Variants in POU4F3 observed in about 807,000 individuals in gnomAD.
POU4F3 encodes the protein POU domain, class 4, transcription factor 3.
Under a neutral mutation model 22.0 loss-of-function variants are expected in POU4F3, and 7 were observed. The ratio of observed to expected loss-of-function variants is 0.32; its 90% CI spans 0.18 to 0.60. The LOEUF (loss-of-function observed/expected upper bound fraction) is 0.60. Among genes scored for constraint, POU4F3 ranks in the 20% least tolerant of loss-of-function variants. The pLI, the probability that POU4F3 is intolerant of heterozygous loss-of-function variation, is 0.85. For missense variants in POU4F3, 457 were observed against 467.4 expected (o/e 0.98, Z 0.21); for synonymous variants, 220 against 194.5 (o/e 1.13, Z -1.09).
In POU4F3 at chr5:146,339,805, G is replaced by A. The variant is rs113137300; in HGVS notation, c.378G>A (p.Thr126=). The A allele has an allele frequency of 4.6e-4, 746 of 1,610,954 alleles. 4 individuals carry two copies. In the African/African-American group the frequency reaches 7.7e-3, roughly 17 times the overall value. Residue 126 remains threonine, a synonymous_variant, in exon 2 of 2, where the codon ACG becomes ACA. Transcript: ENST00000646991. This position sits in a 1 kb window ranked among gnomAD's most constrained non-coding sequence, Gnocchi z 4.7. ...ACCTGCTGGAGCACATCTCGCCCACGCTGAGTGTGAGCGGCCTGGGCGCTC... is the reference window on the plus strand; with the variant it reads ...ACCTGCTGGAGCACATCTCGCCCACACTGAGTGTGAGCGGCCTGGGCGCTC... ...EGDLLEHISP[T]LSVSGLGAPE...
Position 146,339,022 on chromosome 5 carries a change from G to A in POU4F3, c.-91G>A, listed in dbSNP as rs1581277512. On this transcript the variant is annotated 5_prime_UTR_variant, in exon 1 of 2. Transcript: ENST00000646991. The surrounding 1 kb of genome is among the most constrained non-coding windows in gnomAD (Gnocchi z 4.7). ...CGAGCGAGAGGGCGAGGGGAGCGCG[G>A]GCGCTGAGCAGCGCTCACTTGGAGA... 1 of 1,565,950 alleles carries A rather than the reference G, an allele frequency of 6.4e-7. No homozygotes were observed. The highest frequency in any genetic ancestry group is 8.7e-7 in the Non-Finnish European group (1 of 1,151,502).
Position 146,340,868 on chromosome 5 carries a change from C to T in POU4F3, c.*424C>T, listed in dbSNP as rs891970. Reference sequence around the variant, plus strand: ...ATAAAAAGGAAGTGATCAATAATAACACAAAGTCTAGGATATCTAAGGGGG... The same window carrying T: ...ATAAAAAGGAAGTGATCAATAATAATACAAAGTCTAGGATATCTAAGGGGG... On this transcript the variant is annotated 3_prime_UTR_variant, in exon 2 of 2. Coordinates refer to ENST00000646991, the MANE Select transcript of POU4F3 (RefSeq NM_002700.3). The T allele has an allele frequency of 0.18, 53,909 of 294,586 alleles. 5,540 individuals carry two copies. The highest frequency in any genetic ancestry group is 0.21 in the East Asian group (2,430 of 11,490). The allele number at this position is 294,586 out of a possible 1,614,324, so 18.2% of individuals were successfully genotyped here.
In POU4F3 at chr5:146,340,632, CA is replaced by C; in HGVS notation, c.*189del. ...CTTCTCTCTCTTTCCTTTCTATTCCCACCAAAAAAATTTTGGCGCTGGGAAA... is the reference window on the plus strand; with the variant it reads ...CTTCTCTCTCTTTCCTTTCTATTCCCCCAAAAAAATTTTGGCGCTGGGAAA... On this transcript the variant is annotated 3_prime_UTR_variant, in exon 2 of 2. Transcript: ENST00000646991. The C allele has an allele frequency of 1.3e-6, 1 of 791,618 alleles. No individual in the cohort carries two copies. The highest frequency in any genetic ancestry group is 1.7e-5 in the South Asian group (1 of 57,218). 49.0% of individuals were successfully genotyped at this position (791,618 alleles called of 1,614,324 possible). A position where few individuals can be genotyped will look rare whatever the true frequency, so the allele number is the denominator to read the frequency against.
rs1018115856 is a variant in POU4F3 at position 146,341,591 on chromosome 5, TTG to T, written c.*1149_*1150del. Reference sequence around the variant, plus strand: ...GCCCAAATTTTATTTTATTTTTTCGTTGTTTCATGTAGTTTGTGTGTTGCTGT... The same window carrying T: ...GCCCAAATTTTATTTTATTTTTTCGTTTTCATGTAGTTTGTGTGTTGCTGT... On this transcript the variant is annotated 3_prime_UTR_variant, in exon 2 of 2. Transcript: ENST00000646991. The T allele has an allele frequency of 1.3e-4, 20 of 152,220 alleles. No homozygotes were observed. Among genetic ancestry groups the T allele is most frequent in the African/African-American group, 4.8e-4 (20 of 41,446 alleles). The allele number at this position is 152,220 out of a possible 1,614,324, so 9.4% of individuals were successfully genotyped here. A position where few individuals can be genotyped will look rare whatever the true frequency, so the allele number is the denominator to read the frequency against.
chr5:146,339,294 T>C lies in POU4F3; in HGVS notation c.120+62T>C. ...TTTTTTGACAGGCACTAGCTTCATG[T>C]TTTTTTCATGTCGCCCAGAACAATC... On this transcript the variant is annotated intron_variant, in intron 1 of 1. Coordinates refer to ENST00000646991, the MANE Select transcript of POU4F3 (RefSeq NM_002700.3). This position sits in a 1 kb window ranked among gnomAD's most constrained non-coding sequence, Gnocchi z 4.7. 6.2e-7 allele frequency: 1 copy of C among 1,608,620 alleles called. No homozygotes were observed. The highest frequency in any genetic ancestry group is 8.5e-7 in the Non-Finnish European group (1 of 1,175,742).
rs989991397 is a variant in POU4F3 at position 146,338,957 on chromosome 5, T to C, written c.-156T>C. 2.4e-6 allele frequency: 3 copies of C among 1,241,038 alleles called. No individual in the cohort carries two copies. Among genetic ancestry groups the C allele is most frequent in the East Asian group, 2.5e-5 (1 of 39,376 alleles). 76.9% of individuals were successfully genotyped at this position (1,241,038 alleles called of 1,614,324 possible). A position where few individuals can be genotyped will look rare whatever the true frequency, so the allele number is the denominator to read the frequency against. On this transcript the variant is annotated 5_prime_UTR_variant, in exon 1 of 2. Transcript: ENST00000646991. ...CGGGCCCTTCCTGGCAGGCTGCTTG[T>C]AAGATGAGTGAAGAAGCAGGTGGGG...
In POU4F3 at chr5:146,340,053, G is replaced by T; in HGVS notation, c.626G>T (p.Gly209Val). The T allele has an allele frequency of 6.2e-7, 1 of 1,614,148 alleles. No homozygotes were observed. The highest frequency in any genetic ancestry group is 8.5e-7 in the Non-Finnish European group (1 of 1,180,050). ...CTGGGGGTGACCCAGGCGGACGTGG[G>T]CGCGGCTCTGGCTAATCTCAAGATC... ...IKLGVTQADV[G>V]AALANLKIPG... Residue 209 changes from glycine (G) to valine (V), a missense_variant, in exon 2 of 2, where the codon GGC becomes GTC. This residue lies in a region of POU4F3 where 410 missense variants were observed against 385.0 expected (regional missense o/e 1.06). Coordinates refer to ENST00000646991, the MANE Select transcript of POU4F3 (RefSeq NM_002700.3).
In POU4F3 at chr5:146,338,884, C is replaced by G; in HGVS notation, c.-229C>G. The G allele has an allele frequency of 4.3e-6, 3 of 692,850 alleles. No individual in the cohort carries two copies. Among genetic ancestry groups the G allele is most frequent in the Non-Finnish European group, 2.4e-6 (1 of 410,264 alleles). 42.9% of individuals were successfully genotyped at this position (692,850 alleles called of 1,614,324 possible). A position where few individuals can be genotyped will look rare whatever the true frequency, so the allele number is the denominator to read the frequency against. The stretch of plus-strand genomic sequence containing the variant: ...CTAGCTGCTGTCTCTCCTCACCTCC[C>G]GGGCCGCCCCTGCGAGTCCCCGGCG... On this transcript the variant is annotated 5_prime_UTR_variant, in exon 1 of 2. Transcript: ENST00000646991.
At position 146,338,953 on chromosome 5, in the gene POU4F3, C is replaced by A; in HGVS notation, c.-160C>A. 1 of 1,223,490 alleles carries A rather than the reference C, an allele frequency of 8.2e-7. No homozygotes were observed. The highest frequency in any genetic ancestry group is 1.3e-5 in the South Asian group (1 of 75,998). The allele number at this position is 1,223,490 out of a possible 1,614,324, so 75.8% of individuals were successfully genotyped here. ...CGCCCGGGCCCTTCCTGGCAGGCTG[C>A]TTGTAAGATGAGTGAAGAAGCAGGT... On this transcript the variant is annotated 5_prime_UTR_variant, in exon 1 of 2. Transcript: ENST00000646991.
Position 146,339,021 on chromosome 5 carries a change from G to A in POU4F3, c.-92G>A. 2.6e-6 allele frequency: 4 copies of A among 1,563,640 alleles called. No homozygotes were observed. In the South Asian group the frequency reaches 3.5e-5, roughly 14 times the overall value. Reference sequence around the variant, plus strand: ...GCGAGCGAGAGGGCGAGGGGAGCGCGGGCGCTGAGCAGCGCTCACTTGGAG... The same window carrying A: ...GCGAGCGAGAGGGCGAGGGGAGCGCAGGCGCTGAGCAGCGCTCACTTGGAG... On this transcript the variant is annotated 5_prime_UTR_variant, in exon 1 of 2. Transcript: ENST00000646991. The surrounding 1 kb of genome is among the most constrained non-coding windows in gnomAD (Gnocchi z 4.7).
In POU4F3 at chr5:146,340,883, A is replaced by G; in HGVS notation, c.*439A>G. On this transcript the variant is annotated 3_prime_UTR_variant, in exon 2 of 2. Transcript: ENST00000646991. Reference sequence around the variant, plus strand: ...TCAATAATAACACAAAGTCTAGGATATCTAAGGGGGACACAAACATGCACT... The same window carrying G: ...TCAATAATAACACAAAGTCTAGGATGTCTAAGGGGGACACAAACATGCACT... 1 of 269,892 alleles carries G rather than the reference A, an allele frequency of 3.7e-6. No homozygotes were observed. The highest frequency in any genetic ancestry group is 5.0e-5 in the Admixed American group (1 of 20,112). The allele number at this position is 269,892 out of a possible 1,614,324, so 16.7% of individuals were successfully genotyped here. A position where few individuals can be genotyped will look rare whatever the true frequency, so the allele number is the denominator to read the frequency against.
In POU4F3 at chr5:146,340,872, A is replaced by C; in HGVS notation, c.*428A>C. 1 of 290,920 alleles carries C rather than the reference A, an allele frequency of 3.4e-6. No individual in the cohort carries two copies. 18.0% of individuals were successfully genotyped at this position (290,920 alleles called of 1,614,324 possible). ...AAAGGAAGTGATCAATAATAACACA[A>C]AGTCTAGGATATCTAAGGGGGACAC... is the stretch of plus-strand genomic sequence containing the variant. On this transcript the variant is annotated 3_prime_UTR_variant, in exon 2 of 2. Coordinates refer to ENST00000646991, the MANE Select transcript of POU4F3 (RefSeq NM_002700.3).
Position 146,339,039 on chromosome 5 carries a change from A to G in POU4F3, c.-74A>G. The stretch of plus-strand genomic sequence containing the variant: ...GGAGCGCGGGCGCTGAGCAGCGCTC[A>G]CTTGGAGAGCGGCAAGCAAGCTAGA... On this transcript the variant is annotated 5_prime_UTR_variant, in exon 1 of 2. Transcript: ENST00000646991. This position sits in a 1 kb window ranked among gnomAD's most constrained non-coding sequence, Gnocchi z 4.7. 1 of 1,595,708 alleles carries G rather than the reference A, an allele frequency of 6.3e-7. No homozygotes were observed. The highest frequency in any genetic ancestry group is 8.5e-7 in the Non-Finnish European group (1 of 1,170,918).
At position 146,340,462 on chromosome 5, in the gene POU4F3, G is replaced by C; in HGVS notation, c.*18G>C. On this transcript the variant is annotated 3_prime_UTR_variant, in exon 2 of 2. Coordinates refer to ENST00000646991, the MANE Select transcript of POU4F3 (RefSeq NM_002700.3). ...TCCACTGATTGCGGCAGGGCGCAGC[G>C]TCGGGAGCCGGGAGAGCCTAGTGCT... 1 of 1,613,474 alleles carries C rather than the reference G, an allele frequency of 6.2e-7. No individual in the cohort carries two copies. The highest frequency in any genetic ancestry group is 1.1e-5 in the South Asian group (1 of 91,062).
At position 146,340,164 on chromosome 5, in the gene POU4F3, C is replaced by G. The variant is rs1352763060; in HGVS notation, c.737C>G (p.Pro246Arg). ...CACAACAACATGATCGCTCTCAAGC[C>G]GGTGCTCCAGGCCTGGTTGGAGGAG... ...LSHNNMIALK[P>R]VLQAWLEEAE... The change falls in exon 2 of 2, where the codon CCG becomes CGG. Residue 246 changes from proline (P) to arginine (R), a missense_variant. By Grantham distance (103) the Pro-to-Arg change is moderately radical (BLOSUM62 -2). This residue lies in a region of POU4F3 where 410 missense variants were observed against 385.0 expected (regional missense o/e 1.06). Transcript: ENST00000646991. The G allele has an allele frequency of 1.2e-6, 2 of 1,614,062 alleles. No individual in the cohort carries two copies. The highest frequency in any genetic ancestry group is 2.7e-5 in the African/African-American group (2 of 74,932).
Position 146,339,226 on chromosome 5 carries a change from C to G in POU4F3, c.114C>G (p.Ala38=). ...SEAMRRVCLP[A]PQLQGNIFGS... ...CCATGCGCCGAGTCTGTCTCCCAGC[C>G]CCGCAGGTACGTAGTGGAGCATAAT... is the stretch of plus-strand genomic sequence containing the variant. Residue 38 remains alanine (A), a synonymous_variant, in exon 1 of 2, where the codon GCC becomes GCG. Transcript: ENST00000646991. This position sits in a 1 kb window ranked among gnomAD's most constrained non-coding sequence, Gnocchi z 4.7. 1 of 1,614,224 alleles carries G rather than the reference C, an allele frequency of 6.2e-7. No homozygotes were observed. The highest frequency in any genetic ancestry group is 8.5e-7 in the Non-Finnish European group (1 of 1,180,044).
chr5:146,339,084 C>T lies in POU4F3; in HGVS notation c.-29C>T, dbSNP rs1390043625. 6 of 1,613,120 alleles carry T rather than the reference C, an allele frequency of 3.7e-6. No individual in the cohort carries two copies. The highest frequency in any genetic ancestry group is 2.7e-5 in the African/African-American group (2 of 74,904). ...GCTAGACAAGCCTGATTCCATGTCA[C>T]CCGCTGCCACCCTGCCAGGAGCGCG... On this transcript the variant is annotated 5_prime_UTR_variant, in exon 1 of 2. Transcript: ENST00000646991. This position sits in a 1 kb window ranked among gnomAD's most constrained non-coding sequence, Gnocchi z 4.7.
Position 146,339,257 on chromosome 5 carries a change from C to T in POU4F3, c.120+25C>T. The T allele has an allele frequency of 1.2e-6, 2 of 1,614,100 alleles. No homozygotes were observed. Among genetic ancestry groups the T allele is most frequent in the Non-Finnish European group, 1.7e-6 (2 of 1,179,982 alleles). The stretch of plus-strand genomic sequence containing the variant: ...GGTACGTAGTGGAGCATAATTACCG[C>T]TCTAAGGCACATTTTTTGACAGGCA... On this transcript the variant is annotated intron_variant, in intron 1 of 1. Coordinates refer to ENST00000646991, the MANE Select transcript of POU4F3 (RefSeq NM_002700.3). The surrounding 1 kb of genome is among the most constrained non-coding windows in gnomAD (Gnocchi z 4.7).
Position 146,339,523 on chromosome 5 carries a change from G to T in POU4F3, c.121-25G>T, listed in dbSNP as rs1173095503. On this transcript the variant is annotated intron_variant, in intron 1 of 1. Coordinates refer to ENST00000646991, the MANE Select transcript of POU4F3 (RefSeq NM_002700.3). This position sits in a 1 kb window ranked among gnomAD's most constrained non-coding sequence, Gnocchi z 4.7. ...GTGTTGACAGTATTCCCTACTGACC[G>T]TGCTGTGCGCCTTCTCGCTTGCAGC... 7 of 1,613,816 alleles carry T rather than the reference G, an allele frequency of 4.3e-6. No homozygotes were observed. The highest frequency in any genetic ancestry group is 5.9e-6 in the Non-Finnish European group (7 of 1,179,860).
Sources: allele counts gnomAD v4.1 joint callset, GRCh38; gene constraint gnomAD v4.1.1; regional missense constraint gnomAD v4.1.1; non-coding constraint Gnocchi (gnomAD v3.1); transcripts MANE v1.5; gene names NCBI Gene and HGNC (gene_info 2026-07-23, HGNC 2026-07-21).